Variants in TSHZ2 observed in about 807,000 individuals in gnomAD.
TSHZ2 encodes the protein teashirt homolog 2.
Under a neutral mutation model 74.4 loss-of-function variants are expected in TSHZ2, and 21 were observed. That is an observed-to-expected ratio of 0.28 (90% CI 0.20 to 0.41). TSHZ2 has a LOEUF of 0.41. Among genes scored for constraint, TSHZ2 ranks in the 10% least tolerant of loss-of-function variants. The probability of loss-of-function intolerance (pLI) is 1.00; values close to 1 mark genes in which losing one functional copy is unlikely to be tolerated. For missense variants in TSHZ2, 1,244 were observed against 1,293.5 expected (o/e 0.96, Z 0.59); for synonymous variants, 540 against 515.3 (o/e 1.05, Z -0.65).
intron 1 of TSHZ2, among the ~76,000 whole-genome samples, chr20:53,229,296 C>T (rs1308379631): frequency 1.3e-5 from 2 of 151,952 alleles, no homozygotes; most frequent in Non-Finnish European, 2.9e-5. Context: ...TGGGTCAGTA[C>T]GTCACCTTTG....
intron 1 of TSHZ2, among the ~76,000 whole-genome samples, chr20:53,193,094 C>T (rs111619736): frequency 2.3e-4 from 35 of 151,352 alleles, no homozygotes; most frequent in African/African-American, 8.5e-4. Context: ...GTATGGTAAC[C>T]ACCTACCTGT....
At chr20:53,169,635 G>A (rs1309588298) in intron 1 of TSHZ2, among the ~76,000 whole-genome samples, 1 of 152,174 alleles carries the variant, frequency 6.6e-6, no homozygotes, top group Non-Finnish European at 1.5e-5. Context: ...GCACTGAACT[G>A]TGCATATATG....
chr20:53,300,229 GA>G (rs965329166), intron 2 of TSHZ2, among the ~76,000 whole-genome samples: 7 of 151,786 alleles, frequency 4.6e-5, no homozygotes, highest in African/African-American at 1.2e-4. Context: ...AGGAGAGAGG[GA>G]AAAAAAACTG....
chr20:53,174,843 G>A (rs975034525), intron 1 of TSHZ2, among the ~76,000 whole-genome samples: 4 of 152,164 alleles, frequency 2.6e-5, no homozygotes, highest in Non-Finnish European at 5.9e-5. Context: ...AAACAAAAAT[G>A]GCATAGTGGT....
chr20:53,183,333 A>T (rs1988526186), intron 1 of TSHZ2, among the ~76,000 whole-genome samples: 1 of 152,122 alleles, frequency 6.6e-6, no homozygotes, highest in Admixed American at 6.5e-5. Flanking sequence ...GGAGTCTAAG[A>T]ATTTGGATGT....
chr20:53,093,784 C>T (rs1985957140), intron 1 of TSHZ2, among the ~76,000 whole-genome samples: 1 of 152,138 alleles, frequency 6.6e-6, no homozygotes. Context: ...ACATAATAGA[C>T]ACTCAATAAA....
intron 2 of TSHZ2, among the ~76,000 whole-genome samples, chr20:53,413,213 C>G (rs1373850951): frequency 1.3e-5 from 2 of 152,210 alleles, no homozygotes; most frequent in African/African-American, 2.4e-5. Context: ...AACCAACTCC[C>G]GCTGATCGGT....
At chr20:53,101,474 A>G (rs893582245) in intron 1 of TSHZ2, among the ~76,000 whole-genome samples, 1 of 152,174 alleles carries the variant, frequency 6.6e-6, no homozygotes, top group Admixed American at 6.5e-5. Flanking sequence ...AGCCAGGAAA[A>G]TGTTCTGCAT....
intron 2 of TSHZ2, among the ~76,000 whole-genome samples, chr20:53,460,502 C>T (rs1364029385): frequency 4.6e-5 from 7 of 152,278 alleles, no homozygotes; most frequent in East Asian, 1.9e-4. Flanking sequence ...AATGTCCTCC[C>T]GTAGCTCAGA....
chr20:53,326,560 G>A (rs560543114), intron 2 of TSHZ2, among the ~76,000 whole-genome samples: 7 of 152,182 alleles, frequency 4.6e-5, no homozygotes, highest in Admixed American at 2.6e-4. Flanking sequence ...GTCACTAAGC[G>A]CCTCTAGAAA....
rs559855851 is a variant in TSHZ2, at chr20:53,440,238, G to A, written c.*9-46906G>A. On this transcript the variant is annotated intron_variant, in intron 2 of 2. Coordinates refer to ENST00000371497, the MANE Select transcript of TSHZ2 (RefSeq NM_173485.6). ...AAGGAGAAGCGAGTTTGGTGGTTGC[G>A]GGATCTTCACGCAGGGAGAATCATG... 8.5e-4 allele frequency among the ~76,000 whole-genome samples: 129 copies of A among 152,228 alleles called. 1 individual carries two copies. Among genetic ancestry groups the A allele is most frequent in the Non-Finnish European group, 6.0e-4 (41 of 68,016 alleles).
intron 1 of TSHZ2, among the ~76,000 whole-genome samples, chr20:52,985,241 G>C (rs766599651): frequency 3.9e-5 from 6 of 151,916 alleles, no homozygotes; most frequent in Non-Finnish European, 7.4e-5. Context: ...TGCGACCTCA[G>C]GCATCTTTGC....
intron 1 of TSHZ2, among the ~76,000 whole-genome samples, chr20:53,141,485 T>C (rs567598857): frequency 6.6e-6 from 1 of 152,260 alleles, no homozygotes; most frequent in Non-Finnish European, 1.5e-5. Flanking sequence ...ATTCAATTTA[T>C]TGACAGATGT....
chr20:53,083,988 T>C (rs1985615142), intron 1 of TSHZ2, among the ~76,000 whole-genome samples: 1 of 152,076 alleles, frequency 6.6e-6, no homozygotes, highest in African/African-American at 2.4e-5. Context: ...TTTCTCTGAT[T>C]TAAAAAAACT....
chr20:53,428,157 G>C (rs1983722070), intron 2 of TSHZ2, among the ~76,000 whole-genome samples: 1 of 152,334 alleles, frequency 6.6e-6, no homozygotes, highest in East Asian at 1.9e-4. Flanking sequence ...AGAAGTATCT[G>C]TTAGGCTGGC....
chr20:53,369,837 G>T (rs1981404691), intron 2 of TSHZ2, among the ~76,000 whole-genome samples: 1 of 152,214 alleles, frequency 6.6e-6, no homozygotes, highest in African/African-American at 2.4e-5. Flanking sequence ...CTCATGAAAA[G>T]CTTGTTAGGG....
At chr20:53,473,697 T>A (rs1985902871) in intron 2 of TSHZ2, among the ~76,000 whole-genome samples, 2 of 151,662 alleles carry the variant, frequency 1.3e-5, no homozygotes, top group Middle Eastern at 3.4e-3. Flanking sequence ...CTTCAGACGA[T>A]CAAATTACTC....
At chr20:53,038,273 T>C (rs1482241090) in intron 1 of TSHZ2, among the ~76,000 whole-genome samples, 1 of 148,410 alleles carries the variant, frequency 6.7e-6, no homozygotes, top group Non-Finnish European at 1.5e-5. Flanking sequence ...TGAAACCTGC[T>C]TGATCCTTAA....
intron 1 of TSHZ2, among the ~76,000 whole-genome samples, chr20:52,987,426 T>G (rs887692023): frequency 1.3e-5 from 2 of 152,108 alleles, no homozygotes. Context: ...AAAATTTATA[T>G]AAGTTCCCTT....
Sources: gnomAD v4.1 joint callset for allele counts (sites outside exome capture counted in the v4.1 genomes callset) on GRCh38, gnomAD v4.1.1 for gene constraint, MANE v1.5 for transcripts, NCBI Gene and HGNC (gene_info 2026-07-23, HGNC 2026-07-21) for gene names.